BCL11A: variants seen among roughly 807,000 people sequenced by gnomAD.
BCL11A encodes B cell CLL/lymphoma 11A.
Under a neutral mutation model 55.9 loss-of-function variants are expected in BCL11A, and 2 were observed. The observed-to-expected ratio is 0.04, with a 90% CI of 0.01 to 0.11. The LOEUF (loss-of-function observed/expected upper bound fraction) is 0.11, where lower values mean the gene tolerates loss of function less well. Among genes scored for constraint, BCL11A ranks in the 10% least tolerant of loss-of-function variants. The probability of loss-of-function intolerance (pLI) is 1.00; values close to 1 mark genes in which losing one functional copy is unlikely to be tolerated. For missense variants in BCL11A, 817 were observed against 1,137.1 expected (o/e 0.72, Z 4.05); for synonymous variants, 465 against 473.4 (o/e 0.98, Z 0.23).
At chr2:60,506,676 G>A (rs938072006) in intron 2 of BCL11A, among the ~76,000 whole-genome samples, 2 of 152,204 alleles carry the variant, frequency 1.3e-5, no homozygotes, top group Admixed American at 1.3e-4. Context: ...CCTAAATGGC[G>A]AAGGCAGCAT....
At chr2:60,500,694 G>C (rs1403722501) in intron 2 of BCL11A, among the ~76,000 whole-genome samples, 1 of 152,152 alleles carries the variant, frequency 6.6e-6, no homozygotes, top group Non-Finnish European at 1.5e-5. Context: ...TGGGCTGTAG[G>C]CATCAAACCT....
At chr2:60,485,036 A>C (rs1284269519) in intron 2 of BCL11A, among the ~76,000 whole-genome samples, 2 of 152,084 alleles carry the variant, frequency 1.3e-5, no homozygotes, top group African/African-American at 4.8e-5. Flanking sequence ...TACAAAAAAC[A>C]ATTTGTACAC....
Position 60,459,694 on chromosome 2 carries a change from C to A in BCL11A, c.*710G>T, listed in dbSNP as rs1215574793. On this transcript the variant is annotated 3_prime_UTR_variant, in exon 4 of 4. Transcript: ENST00000642384. ...GATCCAAGGCACTCATATTTTAAAA[C>A]CAAATGATAGAATAAACTTGTTCTG... 2 of 1,035,644 alleles carry A rather than the reference C, an allele frequency of 1.9e-6. No homozygotes were observed. Among genetic ancestry groups the A allele is most frequent in the Non-Finnish European group, 2.3e-6 (2 of 860,316 alleles). The allele number at this position is 1,035,644 out of a possible 1,614,324, so 64.2% of individuals were successfully genotyped here. A position where few individuals can be genotyped will look rare whatever the true frequency, so the allele number is the denominator to read the frequency against.
chr2:60,536,742 A>G (rs1164483589), intron 2 of BCL11A: 1 of 152,182 alleles, frequency 6.6e-6, no homozygotes, highest in Admixed American at 6.5e-5. Context: ...TGCATATAGG[A>G]AGCCTTGAGA....
intron 2 of BCL11A, among the ~76,000 whole-genome samples, chr2:60,514,507 A>C (rs1238047291): frequency 1.3e-5 from 2 of 151,204 alleles, no homozygotes; most frequent in Non-Finnish European, 3.0e-5. Flanking sequence ...AAAAAAAAAA[A>C]AAAAAAAAAA....
At chr2:60,529,659 A>C (rs1669360990) in intron 2 of BCL11A, among the ~76,000 whole-genome samples, 1 of 152,106 alleles carries the variant, frequency 6.6e-6, no homozygotes, top group South Asian at 2.1e-4. Flanking sequence ...GAGGCCCCCA[A>C]ATTTTCCCAG....
At position 60,553,217 on chromosome 2, in the gene BCL11A, C is replaced by A; in HGVS notation, c.54G>T (p.Ser18=). 6.2e-7 allele frequency: 1 copy of A among 1,600,970 alleles called. No homozygotes were observed. The highest frequency in any genetic ancestry group is 8.5e-7 in the Non-Finnish European group (1 of 1,175,804). Residue 18 remains serine (S), a splice_region_variant and synonymous_variant, in exon 1 of 4, where the codon TCG becomes TCT. Coordinates refer to ENST00000642384, the MANE Select transcript of BCL11A (RefSeq NM_022893.4). ...TATTACTATTATTGGGTTACTTACGCGAGAATTCCCGTTTGCTTAAGTGCT... is the reference window on the plus strand; with the variant it reads ...TATTACTATTATTGGGTTACTTACGAGAGAATTCCCGTTTGCTTAAGTGCT... ...KPQHLSKREF[S]PEPLEAILTD...
chr2:60,530,393 C>T (rs1381778047), intron 2 of BCL11A, among the ~76,000 whole-genome samples: 1 of 151,612 alleles, frequency 6.6e-6, no homozygotes, highest in African/African-American at 2.4e-5. Flanking sequence ...GGCACGCCGG[C>T]CACGCCCCAC....
Position 60,460,258 on chromosome 2 carries a change from G to A in BCL11A, c.*146C>T, listed in dbSNP as rs970307742. On this transcript the variant is annotated 3_prime_UTR_variant, in exon 4 of 4. Transcript: ENST00000642384. ...CAAGCACTCTCATATTCTTAGCTTC[G>A]TTACTTCTGTTTGTTTGTTTGTTTG... is the stretch of plus-strand genomic sequence containing the variant. 6.4e-6 allele frequency: 9 copies of A among 1,414,288 alleles called. No individual in the cohort carries two copies. In the Admixed American group the frequency reaches 8.9e-5, roughly 14 times the overall value. 87.6% of individuals were successfully genotyped at this position (1,414,288 alleles called of 1,614,324 possible).
chr2:60,482,344 C>A (rs1388011475), intron 2 of BCL11A, among the ~76,000 whole-genome samples: 1 of 151,992 alleles, frequency 6.6e-6, no homozygotes, highest in Non-Finnish European at 1.5e-5. Flanking sequence ...TGGAGCAGAG[C>A]CGAGAATATC....
In BCL11A at chr2:60,538,739, C is replaced by CTG. The variant is rs777467539; in HGVS notation, c.385+7230_385+7231dup. Among the ~76,000 whole-genome samples the CTG allele has an allele frequency of 7.6e-3, 516 of 67,526 alleles. 2 individuals are homozygous for CTG. Among genetic ancestry groups the CTG allele is most frequent in the East Asian group, 0.035 (66 of 1,888 alleles). 44.3% of individuals were successfully genotyped at this position (67,526 alleles called of 152,430 possible). On this transcript the variant is annotated intron_variant, in intron 2 of 3. Coordinates refer to ENST00000642384, the MANE Select transcript of BCL11A (RefSeq NM_022893.4). ...TGAATGTCTCTCTCTCTCTCTCTCT[C>CTG]TGTGTGTGTGTGTGTGTGTGTGTGT...
At chr2:60,518,295 T>C (rs1573045473) in intron 2 of BCL11A, among the ~76,000 whole-genome samples, 1 of 152,134 alleles carries the variant, frequency 6.6e-6, no homozygotes, top group South Asian at 2.1e-4. Context: ...TAAAACATCA[T>C]AGATAAAGGA....
At chr2:60,543,973 C>T (rs1205872305) in intron 2 of BCL11A, 2 of 152,174 alleles carry the variant, frequency 1.3e-5, no homozygotes, top group Non-Finnish European at 2.9e-5. Context: ...CCAGGGAGTT[C>T]AAGCAAATAT....
intron 2 of BCL11A, chr2:60,544,587 T>C (rs1670068299): frequency 6.6e-6 from 1 of 152,230 alleles, no homozygotes; most frequent in African/African-American, 2.4e-5. Context: ...AATGATCAAA[T>C]TCTAGAGGGG....
At chr2:60,453,933 G>C (rs1218660604), downstream of BCL11A, among the ~76,000 whole-genome samples, 1 of 152,126 alleles carries the variant, frequency 6.6e-6, no homozygotes, top group African/African-American at 2.4e-5. Context: ...CCAAGTTTAG[G>C]TTCTCAAGTA....
At chr2:60,494,037 T>A (rs1232402259) in intron 2 of BCL11A, among the ~76,000 whole-genome samples, 1 of 152,050 alleles carries the variant, frequency 6.6e-6, no homozygotes, top group African/African-American at 2.4e-5. Flanking sequence ...AGGACAGCCA[T>A]CTTAGACAAC....
chr2:60,542,684 T>C (rs1444611162), intron 2 of BCL11A: 1 of 152,110 alleles, frequency 6.6e-6, no homozygotes, highest in East Asian at 1.9e-4. Flanking sequence ...GTGGATGAAG[T>C]GGGGGAGCAC....
intron 2 of BCL11A, among the ~76,000 whole-genome samples, chr2:60,491,689 G>GAAAAAAAAA (rs759978839): frequency 3.7e-5 from 5 of 134,760 alleles, no homozygotes; most frequent in East Asian, 2.1e-4. Flanking sequence ...AAAGAAAAAA[G>GAAAAAAAAA]AAAAAAAAAA....
intron 2 of BCL11A, chr2:60,533,198 T>C (rs1669533041): frequency 6.6e-6 from 1 of 152,272 alleles, no homozygotes; most frequent in African/African-American, 2.4e-5. Context: ...TCTAGGGCTG[T>C]GTCAGTGTTT....
Sources: allele counts gnomAD v4.1 joint callset (sites outside exome capture counted in the v4.1 genomes callset), GRCh38; gene constraint gnomAD v4.1.1; transcripts MANE v1.5; gene names NCBI Gene and HGNC (gene_info 2026-07-23, HGNC 2026-07-21).